Variants in UGT2B11 observed in about 807,000 individuals in gnomAD.
The protein encoded by UGT2B11 is UDP glucuronosyltransferase family 2 member B11.
In UGT2B11, 49 loss-of-function variants were observed where a neutral mutation model predicts 51.7. The ratio of observed to expected loss-of-function variants is 0.95; its 90% CI spans 0.75 to 1.20. UGT2B11 has a LOEUF of 1.20. Ranked by LOEUF, UGT2B11 falls within the 50% of genes most tolerant of loss-of-function variation. The pLI is 0.00. For missense variants in UGT2B11, 810 were observed against 622.1 expected, an observed-to-expected ratio of 1.30 and a Z score of -3.21; for synonymous variants, 273 against 209.0, an observed-to-expected ratio of 1.31 and a Z score of -2.64.
intron 3 of UGT2B11, among the ~76,000 whole-genome samples, chr4:69,206,127 T>C (rs1165309388): frequency 6.6e-6 from 1 of 151,386 alleles, no homozygotes; most frequent in Non-Finnish European, 1.5e-5. Context: ...TTACTGGGTA[T>C]ATAAGCAAAG....
chr4:69,218,817 T>A (rs1722337867), upstream of UGT2B11, among the ~76,000 whole-genome samples: 1 of 152,156 alleles, frequency 6.6e-6, no homozygotes, highest in South Asian at 2.1e-4. Context: ...AGGAGTTGTC[T>A]CTGTAAAGGA....
At chr4:69,216,584 G>T (rs1722280269), upstream of UGT2B11, 2 of 151,268 alleles carry the variant, frequency 1.3e-5, no homozygotes. Context: ...AGGATTCAGG[G>T]CTAAAATACA....
Position 69,214,233 on chromosome 4 carries a change from G to A in UGT2B11, c.490C>T (p.Leu164Phe), listed in dbSNP as rs114705696. Residue 164 changes from leucine (L) to phenylalanine (F), a missense_variant, in exon 1 of 6, where the codon CTT (leucine) becomes TTT (phenylalanine). Coordinates refer to ENST00000446444, the MANE Select transcript of UGT2B11 (RefSeq NM_001073.3). Reference protein sequence around the residue: ...FPCGELLAALLNIRFVYSLRF... With the variant: ...FPCGELLAALFNIRFVYSLRF... The stretch of plus-strand genomic sequence containing the variant: ...AGACTGTACACAAACCGTATGTTAA[G>A]TAGCGCAGCCAGCAGCTCACCACAG... 1.2e-6 allele frequency: 2 copies of A among 1,613,156 alleles called. No homozygotes were observed. The highest frequency in any genetic ancestry group is 1.1e-5 in the South Asian group (1 of 91,068).
intron 3 of UGT2B11, among the ~76,000 whole-genome samples, chr4:69,208,010 C>G (rs1342872690): frequency 2.6e-5 from 4 of 151,550 alleles, no homozygotes; most frequent in African/African-American, 9.7e-5. Context: ...GAAATATATT[C>G]AGTTAATTTC....
upstream of UGT2B11, among the ~76,000 whole-genome samples, chr4:69,217,391 T>A (rs1722300821): frequency 6.6e-6 from 1 of 152,150 alleles, no homozygotes. Flanking sequence ...TGGAACACAG[T>A]TTCTGAGCAA....
chr4:69,204,467 G>C lies in UGT2B11; in HGVS notation c.1273C>G (p.Leu425Val). 1 of 1,611,992 alleles carries C rather than the reference G, an allele frequency of 6.2e-7. No homozygotes were observed. Among genetic ancestry groups the C allele is most frequent in the African/African-American group, 1.3e-5 (1 of 74,818 alleles). Residue 425 changes from leucine (L) to valine (V), a missense_variant, in exon 5 of 6, where the codon CTG becomes GTG. Transcript: ENST00000446444. ...ATTACTGTCTTCAGTGCATTCAGCA[G>C]GTCTGTACTCGACATTGTGTTGAAG... ...LDFNTMSSTD[L>V]LNALKTVIND...
At chr4:69,208,680 G>C (rs924001678) in intron 2 of UGT2B11, among the ~76,000 whole-genome samples, 198 bp from the exon 3 acceptor site, 1 of 151,538 alleles carries the variant, frequency 6.6e-6, no homozygotes, top group Non-Finnish European at 1.5e-5. Context: ...GGATATTTGT[G>C]TAAATATGTG....
In UGT2B11 at chr4:69,204,447, T is replaced by G. The variant is rs1721772346; in HGVS notation, c.1293A>C (p.Thr431=). The change falls in exon 5 of 6, where the codon ACA becomes ACC. Residue 431 remains threonine (T), a synonymous_variant. Transcript: ENST00000446444. ...CTACTCACAAAGGATCATTAATTAC[T>G]GTCTTCAGTGCATTCAGCAGGTCTG... ...SSTDLLNALK[T]VINDPLYKEN... 2 of 1,611,886 alleles carry G rather than the reference T, an allele frequency of 1.2e-6. No homozygotes were observed. Among genetic ancestry groups the G allele is most frequent in the South Asian group, 2.2e-5 (2 of 91,022 alleles).
chr4:69,209,341 C>T (rs936621898), intron 2 of UGT2B11, among the ~76,000 whole-genome samples: 4 of 151,738 alleles, frequency 2.6e-5, no homozygotes, highest in African/African-American at 9.6e-5. Context: ...GTCTCAGAGG[C>T]AGCACTGGCA....
At chr4:69,217,975 C>T (rs1325427237), upstream of UGT2B11, among the ~76,000 whole-genome samples, 7 of 152,116 alleles carry the variant, frequency 4.6e-5, no homozygotes, top group Admixed American at 2.6e-4. Context: ...AATGAGGACT[C>T]TGCCTTCGTG....
At chr4:69,221,729 C>T in the UGT2B11 span, among the ~76,000 whole-genome samples, 1 of 152,158 alleles carries the variant, frequency 6.6e-6, no homozygotes, top group African/African-American at 2.4e-5. Flanking sequence ...TCATCTGGGG[C>T]AAGAGGTTAA....
the UGT2B11 span, among the ~76,000 whole-genome samples, chr4:69,220,562 C>G: frequency 0.28 from 5,718 of 20,530 alleles, 515 homozygotes; most frequent in Middle Eastern, 0.3. Flanking sequence ...TTGATGGCCT[C>G]GATCCTGAAG....
intron 3 of UGT2B11, among the ~76,000 whole-genome samples, chr4:69,206,710 A>G (rs115572797): frequency 6.6e-6 from 1 of 151,658 alleles, no homozygotes; most frequent in South Asian, 2.1e-4. Context: ...AGTGATTGTA[A>G]TTCTAGTGTA....
chr4:69,213,419 C>G (rs1360665690), intron 1 of UGT2B11, among the ~76,000 whole-genome samples: 1 of 151,694 alleles, frequency 6.6e-6, no homozygotes, highest in Non-Finnish European at 1.5e-5. Flanking sequence ...AATTGGACTT[C>G]AAATGCATGA....
chr4:69,222,507 G>A, the UGT2B11 span, among the ~76,000 whole-genome samples: 1 of 152,176 alleles, frequency 6.6e-6, no homozygotes, highest in African/African-American at 2.4e-5. Flanking sequence ...GGTCTACACT[G>A]AGGACTGCCT....
At chr4:69,206,311 A>G (rs1005224108) in intron 3 of UGT2B11, among the ~76,000 whole-genome samples, 2 of 151,636 alleles carry the variant, frequency 1.3e-5, no homozygotes, top group African/African-American at 4.8e-5. Context: ...AAACAAAAAT[A>G]TGTATTTTGC....
rs139683980 is a variant in UGT2B11 at position 69,208,194 on chromosome 4, A to G, written c.1002+157T>C. Among the ~76,000 whole-genome samples the G allele has an allele frequency of 1.5e-4, 23 of 151,718 alleles. No individual in the cohort carries two copies. The East Asian group carries it at 4.5e-3, about 30-fold the overall frequency. ...CATGTAACCACTAAGTCTGAGGCAC[A>G]ACTATTACTTGTGTTGGTGGAAGCA... On this transcript the variant is annotated intron_variant, in intron 3 of 5. Coordinates refer to ENST00000446444, the MANE Select transcript of UGT2B11 (RefSeq NM_001073.3).
chr4:69,217,008 A>T (rs1315389086), upstream of UGT2B11, among the ~76,000 whole-genome samples: 1 of 152,142 alleles, frequency 6.6e-6, no homozygotes, highest in Non-Finnish European at 1.5e-5. Flanking sequence ...GTTTCCTGAC[A>T]TTATTTTTCT....
chr4:69,205,471 G>C lies in UGT2B11; in HGVS notation c.1090+9C>G, dbSNP rs751950034. 1.1e-5 allele frequency: 17 copies of C among 1,608,690 alleles called. No homozygotes were observed. Among genetic ancestry groups the C allele is most frequent in the Middle Eastern group, 3.3e-4 (2 of 6,000 alleles). On this transcript the variant is annotated intron_variant, in intron 4 of 5. Coordinates refer to ENST00000446444, the MANE Select transcript of UGT2B11 (RefSeq NM_001073.3). Reference sequence around the variant, plus strand: ...TAATATATCCAGTATTTGTTCACCAGAGTGTTACCTAGAAGGTCATTCTGG... The same window carrying C: ...TAATATATCCAGTATTTGTTCACCACAGTGTTACCTAGAAGGTCATTCTGG...
Sources: gnomAD v4.1 joint callset for allele counts (sites outside exome capture counted in the v4.1 genomes callset) on GRCh38, gnomAD v4.1.1 for gene constraint, MANE v1.5 for transcripts, NCBI Gene and HGNC (gene_info 2026-07-23, HGNC 2026-07-21) for gene names.